SULF1: variants seen among roughly 807,000 people sequenced by gnomAD.
SULF1 encodes extracellular sulfatase Sulf-1.
SULF1 carries 46 observed loss-of-function variants against 110.5 expected under a neutral mutation model. That is an observed-to-expected ratio of 0.42 (90% confidence interval 0.33 to 0.53). The LOEUF (loss-of-function observed/expected upper bound fraction) is 0.53, where lower values mean the gene tolerates loss of function less well. Ranked by LOEUF, SULF1 falls within the 20% of genes least tolerant of loss-of-function variation. The pLI is 0.12. For missense variants in SULF1, 941 were observed against 1,094.2 expected (o/e 0.86, Z 1.98); for synonymous variants, 371 against 387.1 (o/e 0.96, Z 0.49).
chr8:69,606,993 A>G (rs1359819454), intron 13 of SULF1, among the ~76,000 whole-genome samples: 1 of 152,228 alleles, frequency 6.6e-6, no homozygotes, highest in East Asian at 1.9e-4. Flanking sequence ...TTAGAAGTGA[A>G]GACCTGGAGA....
intron 22 of SULF1, among the ~76,000 whole-genome samples, chr8:69,647,649 C>A (rs1000276204): frequency 6.6e-6 from 1 of 152,142 alleles, no homozygotes; most frequent in Non-Finnish European, 1.5e-5. Context: ...CACCTGTAAT[C>A]GCAGCACTTT....
At chr8:69,623,435 A>G (rs1008166557) in intron 14 of SULF1, among the ~76,000 whole-genome samples, 44 of 152,208 alleles carry the variant, frequency 2.9e-4, no homozygotes, top group African/African-American at 1.0e-3. Flanking sequence ...ATGTTTTTGT[A>G]TGTAAGGGTT....
At chr8:69,612,318 T>C (rs141719387) in intron 13 of SULF1, among the ~76,000 whole-genome samples, 8 of 152,360 alleles carry the variant, frequency 5.3e-5, no homozygotes, top group African/African-American at 1.7e-4. Flanking sequence ...AACATGCCTA[T>C]GCATGTGTCC....
intron 21 of SULF1, among the ~76,000 whole-genome samples, chr8:69,640,128 G>GAAGA (rs5892212): frequency 0.7 from 103,960 of 147,616 alleles, 36,891 homozygotes; most frequent in African/African-American, 0.78. Flanking sequence ...AGAAAGGAAG[G>GAAGA]AAGAAGGAAG....
At position 69,652,620 on chromosome 8, in the gene SULF1, T is replaced by G. The variant is rs540429510; in HGVS notation, c.2586-5885T>G. Among the ~76,000 whole-genome samples the G allele has an allele frequency of 3.2e-4, 49 of 152,314 alleles. No individual in the cohort carries two copies. In the South Asian group the frequency reaches 4.8e-3, roughly 15 times the overall value. ...TAGCCTAAATCTGCCTCCTCACATA[T>G]TTTAAGTTCAGCCTAAAGGTTTCTC... On this transcript the variant is annotated intron_variant, in intron 22 of 22. Coordinates refer to ENST00000402687, the MANE Select transcript of SULF1 (RefSeq NM_001128205.2).
At chr8:69,652,563 T>C (rs1812421848) in intron 22 of SULF1, among the ~76,000 whole-genome samples, 1 of 152,220 alleles carries the variant, frequency 6.6e-6, no homozygotes, top group Non-Finnish European at 1.5e-5. Flanking sequence ...CTATTTAAGC[T>C]TTCTATCTAT....
intron 1 of SULF1, among the ~76,000 whole-genome samples, chr8:69,485,279 C>T (rs1809658618): frequency 6.6e-6 from 1 of 152,190 alleles, no homozygotes; most frequent in South Asian, 2.1e-4. Flanking sequence ...TTAGTAATAG[C>T]ATCATTGTTC....
intron 3 of SULF1, among the ~76,000 whole-genome samples, chr8:69,524,711 T>C (rs1408733965): frequency 1.3e-5 from 2 of 152,212 alleles, no homozygotes; most frequent in African/African-American, 4.8e-5. Flanking sequence ...CAAACCTGAA[T>C]AAATCATTGC....
chr8:69,519,177 C>T (rs1159872444), intron 3 of SULF1, among the ~76,000 whole-genome samples: 1 of 152,166 alleles, frequency 6.6e-6, no homozygotes. Context: ...AAATAAGTCC[C>T]ACCACATTCA....
intron 3 of SULF1, among the ~76,000 whole-genome samples, chr8:69,542,004 G>A (rs1267140742): frequency 1.7e-4 from 26 of 152,148 alleles, no homozygotes; most frequent in Admixed American, 1.7e-3. Context: ...AGGAAGGTGT[G>A]TCCTTACTTA....
At chr8:69,550,717 T>A (rs1295669485) in intron 3 of SULF1, among the ~76,000 whole-genome samples, 1 of 152,208 alleles carries the variant, frequency 6.6e-6, no homozygotes, top group Non-Finnish European at 1.5e-5. Flanking sequence ...GCTCCAAAAC[T>A]GTTTTCCCTT....
At chr8:69,586,626 A>G in intron 7 of SULF1, 118 bp downstream of exon 7, 1 of 1,142,422 alleles carries the variant, frequency 8.8e-7, no homozygotes, top group African/African-American at 1.6e-5. Context: ...CAATGTTAGC[A>G]TGAGAAATGT....
intron 13 of SULF1, among the ~76,000 whole-genome samples, chr8:69,609,482 G>A (rs898139455): frequency 6.6e-6 from 1 of 152,146 alleles, no homozygotes; most frequent in South Asian, 2.1e-4. Context: ...ATTTTTTAAC[G>A]AGGTTAAGAA....
chr8:69,526,599 CAAA>C (rs3059929), intron 3 of SULF1, among the ~76,000 whole-genome samples: 209 of 136,614 alleles, frequency 1.5e-3, no homozygotes, highest in Admixed American at 1.8e-3. Context: ...GTATCTCTAC[CAAA>C]AAAAAAAAAA....
chr8:69,538,118 C>A (rs544690193), intron 3 of SULF1, among the ~76,000 whole-genome samples: 1 of 151,880 alleles, frequency 6.6e-6, no homozygotes, highest in African/African-American at 2.4e-5. Context: ...CCAGCCACCT[C>A]GCCCTGCTAA....
chr8:69,584,212 G>A (rs1420198319), intron 6 of SULF1, among the ~76,000 whole-genome samples: 1 of 152,186 alleles, frequency 6.6e-6, no homozygotes, highest in African/African-American at 2.4e-5. Context: ...TCCTGGCTGG[G>A]AAAGTCAGTG....
At chr8:69,565,915 A>G (rs16936116) in intron 5 of SULF1, among the ~76,000 whole-genome samples, 3,721 of 151,860 alleles carry the variant, frequency 0.025, 150 homozygotes, top group African/African-American at 0.084. Context: ...GCCTTTGCAC[A>G]TCTCATCCCC....
intron 8 of SULF1, among the ~76,000 whole-genome samples, chr8:69,600,181 G>A (rs547377284): frequency 3.3e-5 from 5 of 152,104 alleles, no homozygotes; most frequent in South Asian, 2.1e-4. Context: ...TCCACATAAC[G>A]TATTTGTGAC....
chr8:69,530,448 T>G (rs1382616314), intron 3 of SULF1, among the ~76,000 whole-genome samples: 4 of 152,178 alleles, frequency 2.6e-5, no homozygotes. Flanking sequence ...ACTTTAGAGA[T>G]AGTTAAATAT....
Sources: gnomAD v4.1 joint callset for allele counts (sites outside exome capture counted in the v4.1 genomes callset) on GRCh38, gnomAD v4.1.1 for gene constraint, MANE v1.5 for transcripts, NCBI Gene and HGNC (gene_info 2026-07-23, HGNC 2026-07-21) for gene names.